The following MAS1 variants were observed in gnomAD, a reference collection of about 807,000 sequenced individuals.
MAS1 encodes MAS1 proto-oncogene, G protein-coupled receptor, also known as proto-oncogene Mas.
For missense variants in MAS1, 387 were observed against 409.7 expected, an observed-to-expected ratio of 0.94 and a Z score of 0.48; for synonymous variants, 163 against 164.2, an observed-to-expected ratio of 0.99 and a Z score of 0.05.
Position 159,916,762 on chromosome 6 carries a change from T to C in MAS1, c.*8829T>C, listed in dbSNP as rs1009715768. 6.6e-6 allele frequency among the ~76,000 whole-genome samples: 1 copy of C among 152,236 alleles called. No individual in the cohort carries two copies. The highest frequency in any genetic ancestry group is 2.1e-4 in the South Asian group (1 of 4,836). On this transcript the variant is annotated 3_prime_UTR_variant, in exon 3 of 3. Transcript: ENST00000674077. ...TGAGTGCAGACTCCCCTGATTCCAA[T>C]GAAGCTGCTGTTGAGGGCCGGATAG... is the stretch of plus-strand genomic sequence containing the variant.
chr6:159,891,956 G>C (rs1185226280), intron 1 of MAS1, among the ~76,000 whole-genome samples: 1 of 152,068 alleles, frequency 6.6e-6, no homozygotes, highest in Non-Finnish European at 1.5e-5. Flanking sequence ...ATGTTTAGCA[G>C]CATCTCTGGC....
At position 159,914,786 on chromosome 6, in the gene MAS1, G is replaced by C. The variant is rs1783002061; in HGVS notation, c.*6853G>C. ...CCTGGCATTCCCAGTGGTTCCTGTG[G>C]GACGGGGCCAGAGTGGGTGTCCCAT... On this transcript the variant is annotated 3_prime_UTR_variant, in exon 3 of 3. Coordinates refer to ENST00000674077, the MANE Select transcript of MAS1 (RefSeq NM_002377.4). 6.6e-6 allele frequency: 1 copy of C among 152,258 alleles called. No individual in the cohort carries two copies. The allele number at this position is 152,258 out of a possible 1,614,324, so 9.4% of individuals were successfully genotyped here.
chr6:159,898,677 T>C (rs1782789065), intron 1 of MAS1, among the ~76,000 whole-genome samples: 2 of 113,612 alleles, frequency 1.8e-5, no homozygotes, highest in Non-Finnish European at 1.8e-5. Flanking sequence ...TTCCTCTTCC[T>C]CCTCCTCCCT....
intron 1 of MAS1, among the ~76,000 whole-genome samples, chr6:159,896,959 C>T (rs753244837): frequency 1.7e-4 from 26 of 151,976 alleles, no homozygotes; most frequent in Non-Finnish European, 2.8e-4. Flanking sequence ...CTGCAAGCTC[C>T]GCCTCTCGGG....
Position 159,915,566 on chromosome 6 carries a change from G to A in MAS1, c.*7633G>A, listed in dbSNP as rs546930742. ...GTATGGTACATTTTGGCCAACACCA[G>A]CCTGTTAATGCCTGAGGCAGAGGCC... On this transcript the variant is annotated 3_prime_UTR_variant, in exon 3 of 3. Coordinates refer to ENST00000674077, the MANE Select transcript of MAS1 (RefSeq NM_002377.4). The A allele has an allele frequency of 6.6e-6, 1 of 152,188 alleles. No homozygotes were observed. The highest frequency in any genetic ancestry group is 2.4e-5 in the African/African-American group (1 of 41,436). The allele number at this position is 152,188 out of a possible 1,614,324, so 9.4% of individuals were successfully genotyped here. A position where few individuals can be genotyped will look rare whatever the true frequency, so the allele number is the denominator to read the frequency against.
chr6:159,895,731 CAT>C (rs768630184), intron 1 of MAS1, among the ~76,000 whole-genome samples: 4 of 152,072 alleles, frequency 2.6e-5, no homozygotes, highest in Non-Finnish European at 4.4e-5. Context: ...GAAAAAGAAA[CAT>C]ATATATGCTG....
Position 159,906,997 on chromosome 6 carries a change from C to G in MAS1, c.42C>G (p.Pro14=). ...SNVTSFVVEE[P]TNISTGRNAS... ...TGACATCATTTGTTGTTGAGGAACC[C>G]ACGAACATCTCAACTGGCAGGAACG... Residue 14 remains proline (P), a synonymous_variant, in exon 3 of 3, where the codon CCC becomes CCG. Transcript: ENST00000674077. The G allele has an allele frequency of 1.2e-6, 2 of 1,611,856 alleles. No individual in the cohort carries two copies. The highest frequency in any genetic ancestry group is 2.2e-5 in the South Asian group (2 of 91,040).
At chr6:159,905,218 C>A (rs1307072498) in intron 2 of MAS1, among the ~76,000 whole-genome samples, 3 of 152,200 alleles carry the variant, frequency 2.0e-5, no homozygotes, top group Non-Finnish European at 4.4e-5. Flanking sequence ...CAGTGCCTGG[C>A]ATGGGCTAAA....
At position 159,907,300 on chromosome 6, in the gene MAS1, C is replaced by A. The variant is rs754192055; in HGVS notation, c.345C>A (p.Gly115=). Residue 115 remains glycine (G), a synonymous_variant, in exon 3 of 3, where the codon GGC becomes GGA. Coordinates refer to ENST00000674077, the MANE Select transcript of MAS1 (RefSeq NM_002377.4). Reference sequence around the variant, plus strand: ...CATTATCAGTGACTTTTCTGTTTGGCTACAACACGGGCCTCTATCTGCTGA... The same window carrying A: ...CATTATCAGTGACTTTTCTGTTTGGATACAACACGGGCCTCTATCTGCTGA... ...IVTLSVTFLF[G]YNTGLYLLTA... The A allele has an allele frequency of 1.2e-6, 2 of 1,614,204 alleles. No individual in the cohort carries two copies. The highest frequency in any genetic ancestry group is 1.7e-6 in the Non-Finnish European group (2 of 1,180,042).
chr6:159,905,956 C>G (rs1474084706), intron 2 of MAS1, among the ~76,000 whole-genome samples: 1 of 151,988 alleles, frequency 6.6e-6, no homozygotes, highest in East Asian at 1.9e-4. Flanking sequence ...GCAGGAGAAT[C>G]GCTTGAACCT....
At position 159,916,404 on chromosome 6, in the gene MAS1, G is replaced by A. The variant is rs1412725568; in HGVS notation, c.*8471G>A. On this transcript the variant is annotated 3_prime_UTR_variant, in exon 3 of 3. Transcript: ENST00000674077. ...AATTTCAGTTTGAGGAGATGAAAAT[G>A]TTCTGGGGATCTATTGCACAACAAT... 1.3e-5 allele frequency: 2 copies of A among 152,186 alleles called. No homozygotes were observed. The highest frequency in any genetic ancestry group is 2.9e-5 in the Non-Finnish European group (2 of 68,040). The allele number at this position is 152,186 out of a possible 1,614,324, so 9.4% of individuals were successfully genotyped here.
chr6:159,900,464 A>G (rs1782809406), intron 2 of MAS1, among the ~76,000 whole-genome samples: 2 of 152,222 alleles, frequency 1.3e-5, no homozygotes, highest in African/African-American at 4.8e-5. Context: ...ATTTCACTTC[A>G]GAGACCGAAA....
At chr6:159,902,993 GC>G (rs1360730240) in intron 2 of MAS1, among the ~76,000 whole-genome samples, 1 of 151,958 alleles carries the variant, frequency 6.6e-6, no homozygotes, top group Non-Finnish European at 1.5e-5. Context: ...CTCTCCCTCA[GC>G]CCTTCTTTTC....
rs1054357530 is a variant in MAS1, at chr6:159,915,661, C to T, written c.*7728C>T. ...TTGGCAAGTGTCAACAAGTTAATCT[C>T]TGTGACTGGTGACTTAGTTGGAGTT... On this transcript the variant is annotated 3_prime_UTR_variant, in exon 3 of 3. Transcript: ENST00000674077. 4 of 152,276 alleles carry T rather than the reference C, an allele frequency of 2.6e-5. No individual in the cohort carries two copies. The highest frequency in any genetic ancestry group is 4.4e-5 in the Non-Finnish European group (3 of 68,068). 9.4% of individuals were successfully genotyped at this position (152,276 alleles called of 1,614,324 possible).
At chr6:159,893,861 G>T (rs1484248961) in intron 1 of MAS1, among the ~76,000 whole-genome samples, 1 of 152,120 alleles carries the variant, frequency 6.6e-6, no homozygotes, top group Non-Finnish European at 1.5e-5. Flanking sequence ...AGGAACCAGG[G>T]CTCCTTGGAG....
rs933083672 is a variant in MAS1 at position 159,916,506 on chromosome 6, C to T, written c.*8573C>T. 1 of 152,166 alleles carries T rather than the reference C, an allele frequency of 6.6e-6. No homozygotes were observed. The allele number at this position is 152,166 out of a possible 1,614,324, so 9.4% of individuals were successfully genotyped here. A position where few individuals can be genotyped will look rare whatever the true frequency, so the allele number is the denominator to read the frequency against. ...TAAATTTTATGTTATGTATATTTTA[C>T]CACAATAAAGAAGTGAGTTATTGTA... On this transcript the variant is annotated 3_prime_UTR_variant, in exon 3 of 3. Coordinates refer to ENST00000674077, the MANE Select transcript of MAS1 (RefSeq NM_002377.4).
At chr6:159,891,350 G>A (rs895003309) in intron 1 of MAS1, among the ~76,000 whole-genome samples, 1 of 152,182 alleles carries the variant, frequency 6.6e-6, no homozygotes, top group African/African-American at 2.4e-5. Context: ...TCTTTGCTGA[G>A]TTAACTGTTC....
chr6:159,903,659 C>G (rs1782849341), intron 2 of MAS1, among the ~76,000 whole-genome samples: 1 of 152,144 alleles, frequency 6.6e-6, no homozygotes, highest in Non-Finnish European at 1.5e-5. Context: ...ACCACATCTA[C>G]CCACCTCACC....
At chr6:159,902,090 G>A (rs1462625400) in intron 2 of MAS1, 1 of 152,118 alleles carries the variant, frequency 6.6e-6, no homozygotes, top group Non-Finnish European at 1.5e-5. Context: ...AAGGGGAGGT[G>A]ACCTGGGGTA....
Sources: allele counts gnomAD v4.1 joint callset (sites outside exome capture counted in the v4.1 genomes callset), GRCh38; gene constraint gnomAD v4.1.1; transcripts MANE v1.5; gene names NCBI Gene and HGNC (gene_info 2026-07-23, HGNC 2026-07-21).